ANKUB1: variants seen among roughly 807,000 people sequenced by gnomAD.
The protein encoded by ANKUB1 is protein ANKUB1.
In ANKUB1, 42 loss-of-function variants were observed where a neutral mutation model predicts 49.3. That is an observed-to-expected ratio of 0.85 (90% CI 0.67 to 1.10). The LOEUF (loss-of-function observed/expected upper bound fraction) is 1.10, where lower values mean the gene tolerates loss of function less well. Ranked by LOEUF, ANKUB1 falls within the 50% of genes least tolerant of loss-of-function variation. ANKUB1 has a pLI of 0.00. For synonymous variants in ANKUB1, 222 were observed against 231.0 expected (o/e 0.96, Z 0.35); for missense variants, 613 against 642.0 (o/e 0.95, Z 0.49).
At chr3:149,787,973 A>G (rs1227974320) in intron 2 of ANKUB1, among the ~76,000 whole-genome samples, 5 of 152,212 alleles carry the variant, frequency 3.3e-5, no homozygotes, top group Admixed American at 6.5e-5. Flanking sequence ...TCACATTATG[A>G]TATTTCTAAG....
chr3:149,776,838 ATGG>A (rs1717617225), intron 3 of ANKUB1, among the ~76,000 whole-genome samples: 1 of 151,970 alleles, frequency 6.6e-6, no homozygotes, highest in Non-Finnish European at 1.5e-5. Flanking sequence ...TTAGCCAGGC[ATGG>A]TGGGATGCAC....
In ANKUB1 at chr3:149,792,505, T is replaced by A. The variant is rs1718404084; in HGVS notation, c.-139A>T. 8 of 560,058 alleles carry A rather than the reference T, an allele frequency of 1.4e-5. No individual in the cohort carries two copies. In the East Asian group the frequency reaches 2.6e-4, roughly 18 times the overall value. 34.7% of individuals were successfully genotyped at this position (560,058 alleles called of 1,614,324 possible). A position where few individuals can be genotyped will look rare whatever the true frequency, so the allele number is the denominator to read the frequency against. On this transcript the variant is annotated 5_prime_UTR_variant, in exon 1 of 6. Coordinates refer to ENST00000446160, the MANE Select transcript of ANKUB1 (RefSeq NM_001144960.3). The stretch of plus-strand genomic sequence containing the variant: ...TCACTGTCTAGCCTCAAAGGTAAGT[T>A]GTAGAATGTGAAGAGCCTAGTCCCA...
intron 5 of ANKUB1, among the ~76,000 whole-genome samples, chr3:149,762,048 ATGATAGTTAT>A (rs1377459134): frequency 1.3e-5 from 2 of 152,242 alleles, no homozygotes; most frequent in Non-Finnish European, 2.9e-5. Context: ...TTAATGTTTT[ATGATAGTTAT>A]TCTCTGGCTA....
At chr3:149,780,899 A>T (rs1717835763) in intron 2 of ANKUB1, among the ~76,000 whole-genome samples, 1 of 151,194 alleles carries the variant, frequency 6.6e-6, no homozygotes, top group African/African-American at 2.4e-5. Context: ...AGTGGGAGGG[A>T]GTGTTTGCTT....
chr3:149,791,028 T>C, intron 1 of ANKUB1, 104 bp from the exon 2 acceptor site: 1 of 1,182,988 alleles, frequency 8.5e-7, no homozygotes, highest in Non-Finnish European at 1.1e-6. Flanking sequence ...GCATTATAAT[T>C]GTTTGGGACA....
intron 5 of ANKUB1, chr3:149,764,134 C>A: frequency 2.4e-6 from 1 of 424,362 alleles, no homozygotes; most frequent in Admixed American, 2.5e-5. Flanking sequence ...TAGCGTCCAT[C>A]CATTCCTCAT....
Position 149,767,992 on chromosome 3 carries a change from C to T in ANKUB1, c.670G>A (p.Val224Ile). The T allele has an allele frequency of 6.6e-7, 1 of 1,521,604 alleles. No individual in the cohort carries two copies. The highest frequency in any genetic ancestry group is 8.9e-7 in the Non-Finnish European group (1 of 1,128,670). 94.3% of individuals were successfully genotyped at this position (1,521,604 alleles called of 1,614,324 possible). Residue 224 changes from valine (V) to isoleucine (I), a missense_variant, in exon 5 of 6, where the codon GTT becomes ATT. Physicochemically the swap from Val to Ile is conservative, Grantham distance 29 (BLOSUM62 3). Coordinates refer to ENST00000446160, the MANE Select transcript of ANKUB1 (RefSeq NM_001144960.3). ...TGGCACCATGCTCGATAGGGGTGAACACCGACTGCCTCGTGGGGCCGCGCA... is the reference window on the plus strand; with the variant it reads ...TGGCACCATGCTCGATAGGGGTGAATACCGACTGCCTCGTGGGGCCGCGCA... ...QGARPHEAVGVHPYRAWCHEA... is the reference protein window; with the variant it reads ...QGARPHEAVGIHPYRAWCHEA...
Position 149,767,644 on chromosome 3 carries a change from C to G in ANKUB1, c.1018G>C (p.Gly340Arg). The G allele has an allele frequency of 6.4e-7, 1 of 1,551,630 alleles. No individual in the cohort carries two copies. Residue 340 changes from glycine to arginine, a missense_variant, in exon 5 of 6, where the codon GGG becomes CGG. Transcript: ENST00000446160. ...KSQFCGARVF[G>R]AKVGDTVMVD... is the part of the protein sequence containing the mutation. Reference sequence around the variant, plus strand: ...ATCACAGTGTCTCCAACTTTTGCCCCAAAGACCCTTGCTCCACAAAACTGG... The same window carrying G: ...ATCACAGTGTCTCCAACTTTTGCCCGAAAGACCCTTGCTCCACAAAACTGG...
intron 1 of ANKUB1, among the ~76,000 whole-genome samples, chr3:149,791,194 TAGG>T (rs1302964800): frequency 6.6e-6 from 1 of 152,210 alleles, no homozygotes; most frequent in African/African-American, 2.4e-5. Context: ...CAAATTAAAG[TAGG>T]AGTAGTCGCT....
chr3:149,776,140 C>A (rs1419344870), intron 3 of ANKUB1, among the ~76,000 whole-genome samples: 4 of 152,200 alleles, frequency 2.6e-5, no homozygotes, highest in African/African-American at 9.7e-5. Flanking sequence ...TCTAAGCCCA[C>A]CAAAGACCTT....
intron 3 of ANKUB1, among the ~76,000 whole-genome samples, chr3:149,776,734 G>A (rs1177832655): frequency 6.6e-6 from 1 of 152,096 alleles, no homozygotes; most frequent in Non-Finnish European, 1.5e-5. Flanking sequence ...GCCAAGGTGG[G>A]TGGATCACTT....
At chr3:149,775,455 T>C (rs143366933) in intron 3 of ANKUB1, among the ~76,000 whole-genome samples, 2 of 152,298 alleles carry the variant, frequency 1.3e-5, no homozygotes, top group African/African-American at 4.8e-5. Context: ...TTAACTTCTC[T>C]GAACTTCAGT....
At chr3:149,785,232 G>A (rs915540737) in intron 2 of ANKUB1, among the ~76,000 whole-genome samples, 1 of 152,042 alleles carries the variant, frequency 6.6e-6, no homozygotes, top group Non-Finnish European at 1.5e-5. Flanking sequence ...TCCAAAGAAG[G>A]AAAAGTTAAT....
chr3:149,788,626 G>T (rs950446358), intron 2 of ANKUB1, among the ~76,000 whole-genome samples: 1 of 152,160 alleles, frequency 6.6e-6, no homozygotes, highest in Non-Finnish European at 1.5e-5. Context: ...TCAGGTAAAA[G>T]AGTTCAGCGT....
intron 2 of ANKUB1, among the ~76,000 whole-genome samples, chr3:149,786,759 T>C (rs1031800672): frequency 1.3e-5 from 2 of 152,338 alleles, no homozygotes; most frequent in African/African-American, 4.8e-5. Context: ...AATTTTTGTA[T>C]AAGGTGTAAG....
intron 3 of ANKUB1, among the ~76,000 whole-genome samples, chr3:149,776,170 T>C (rs1717586487): frequency 6.6e-6 from 1 of 152,182 alleles, no homozygotes; most frequent in African/African-American, 2.4e-5. Flanking sequence ...TCCAAAGCTT[T>C]TTTATCTCAG....
intron 2 of ANKUB1, chr3:149,783,098 C>A (rs1375503727): frequency 6.6e-6 from 1 of 152,112 alleles, no homozygotes; most frequent in Non-Finnish European, 1.5e-5. Context: ...TTTGTATAAA[C>A]CTTGTTTTTA....
rs112424451 is a variant in ANKUB1 at position 149,785,894 on chromosome 3, T to C, written c.234+4887A>G. Among the ~76,000 whole-genome samples the C allele has an allele frequency of 5.8e-3, 882 of 152,320 alleles. 6 individuals are homozygous for C. The highest frequency in any genetic ancestry group is 0.02 in the African/African-American group (851 of 41,570). ...TCCCACCAACAGTGTAAAAGTGTTC[T>C]TATTTCTCCACATCCTCTCCAGCAC... is the stretch of plus-strand genomic sequence containing the variant. On this transcript the variant is annotated intron_variant, in intron 2 of 5. Coordinates refer to ENST00000446160, the MANE Select transcript of ANKUB1 (RefSeq NM_001144960.3).
intron 1 of ANKUB1, 45 bp from the exon 2 acceptor site, chr3:149,790,969 T>C (rs982217854): frequency 8.6e-6 from 13 of 1,517,446 alleles, no homozygotes; most frequent in Non-Finnish European, 1.2e-5. Flanking sequence ...ATCCTTACGT[T>C]ACTAGACCAG....
Sources: gnomAD v4.1 joint callset for allele counts (sites outside exome capture counted in the v4.1 genomes callset) on GRCh38, gnomAD v4.1.1 for gene constraint, MANE v1.5 for transcripts, NCBI Gene and HGNC (gene_info 2026-07-23, HGNC 2026-07-21) for gene names.